The following TENT5C variants were observed in gnomAD, a reference collection of about 807,000 sequenced individuals.
TENT5C encodes terminal nucleotidyltransferase 5C.
In TENT5C, 5 loss-of-function variants were observed where a neutral mutation model predicts 22.2. That is an observed-to-expected ratio of 0.22 (90% CI 0.12 to 0.47). The LOEUF is 0.47. Among genes scored for constraint, TENT5C ranks in the 20% least tolerant of loss-of-function variants. The probability of loss-of-function intolerance (pLI) is 0.99; values close to 1 mark genes in which losing one functional copy is unlikely to be tolerated. For missense variants in TENT5C, 364 were observed against 500.9 expected, an observed-to-expected ratio of 0.73 and a Z score of 2.61; for synonymous variants, 199 against 195.4, an observed-to-expected ratio of 1.02 and a Z score of -0.15.
chr1:117,622,072 A>G (rs1470277100), intron 1 of TENT5C, among the ~76,000 whole-genome samples: 3 of 152,188 alleles, frequency 2.0e-5, no homozygotes, highest in Non-Finnish European at 4.4e-5. Flanking sequence ...TGCTAGGAAG[A>G]GTGGTTCCAC....
chr1:117,623,001 G>A lies in TENT5C; in HGVS notation c.133G>A (p.Glu45Lys), dbSNP rs773602227. 1 of 1,614,192 alleles carries A rather than the reference G, an allele frequency of 6.2e-7. No homozygotes were observed. Among genetic ancestry groups the A allele is most frequent in the South Asian group, 1.1e-5 (1 of 91,074 alleles). The change falls in exon 2 of 2, where the codon GAG becomes AAG. Residue 45 changes from glutamate (E) to lysine (K), a missense_variant. Physicochemically the swap from Glu to Lys is moderately conservative, Grantham distance 56 (BLOSUM62 1). This residue lies in a region of TENT5C where 303 missense variants were observed against 394.5 expected (regional missense o/e 0.77). Transcript: ENST00000369448. The stretch of plus-strand genomic sequence containing the variant: ...CGGACGAGGCAACTTTCCAACCTTG[G>A]AGATAACTCTGAAGGACATCGTCCA... ...IHGRGNFPTL[E>K]ITLKDIVQTV... is the part of the protein sequence containing the mutation.
At position 117,626,614 on chromosome 1, in the gene TENT5C, C is replaced by G. The variant is rs1017885095; in HGVS notation, c.*2570C>G. On this transcript the variant is annotated 3_prime_UTR_variant, in exon 2 of 2. Transcript: ENST00000369448. ...CTTGAATTTCAGGGCCCTGGAAACT[C>G]TAGCTGAAACCTGCCTTTCCTAATG... 4.0e-6 allele frequency: 1 copy of G among 248,110 alleles called. No individual in the cohort carries two copies. Among genetic ancestry groups the G allele is most frequent in the Non-Finnish European group, 8.5e-6 (1 of 118,092 alleles). The allele number at this position is 248,110 out of a possible 1,614,324, so 15.4% of individuals were successfully genotyped here. A position where few individuals can be genotyped will look rare whatever the true frequency, so the allele number is the denominator to read the frequency against.
At position 117,623,037 on chromosome 1, in the gene TENT5C, A is replaced by T; in HGVS notation, c.169A>T (p.Ser57Cys). ...TLKDIVQTVR[S>C]RLEEAGIKVH... The stretch of plus-strand genomic sequence containing the variant: ...GAAGGACATCGTCCAGACCGTCCGC[A>T]GTCGGCTGGAGGAGGCAGGCATCAA... The change falls in exon 2 of 2, where the codon AGT (serine) becomes TGT (cysteine). Residue 57 changes from serine to cysteine, a missense_variant. Ser to Cys is a moderately radical substitution (Grantham distance 112). Around this residue, in one of 3 missense-constraint regions of TENT5C, gnomAD observed 303 missense variants for 394.5 expected, o/e 0.77. Coordinates refer to ENST00000369448, the MANE Select transcript of TENT5C (RefSeq NM_017709.4). 1 of 1,614,222 alleles carries T rather than the reference A, an allele frequency of 6.2e-7. No homozygotes were observed. Among genetic ancestry groups the T allele is most frequent in the Non-Finnish European group, 8.5e-7 (1 of 1,180,040 alleles).
At chr1:117,621,040 C>G (rs189409958) in intron 1 of TENT5C, among the ~76,000 whole-genome samples, 18 of 152,268 alleles carry the variant, frequency 1.2e-4, no homozygotes, top group Non-Finnish European at 1.6e-4. Flanking sequence ...GCCTTGAAAC[C>G]AAATGCCAGT....
At chr1:117,608,602 T>C (rs1653597846) in intron 1 of TENT5C, among the ~76,000 whole-genome samples, 1 of 152,228 alleles carries the variant, frequency 6.6e-6, no homozygotes, top group South Asian at 2.1e-4. Context: ...ACACATTTGA[T>C]AGAAAATTTA....
rs193094433 is a variant in TENT5C, at chr1:117,628,233, G to A, written c.*4189G>A. The A allele has an allele frequency of 2.1e-4, 52 of 247,454 alleles. No individual in the cohort carries two copies. The highest frequency in any genetic ancestry group is 9.9e-4 in the African/African-American group (45 of 45,416). The allele number at this position is 247,454 out of a possible 1,614,324, so 15.3% of individuals were successfully genotyped here. The stretch of plus-strand genomic sequence containing the variant: ...CCTTTGAAATATTTCTTAGTGCCTA[G>A]GAGGTCTGGGGATTCCTCTTTCGTG... On this transcript the variant is annotated 3_prime_UTR_variant, in exon 2 of 2. Coordinates refer to ENST00000369448, the MANE Select transcript of TENT5C (RefSeq NM_017709.4).
intron 1 of TENT5C, among the ~76,000 whole-genome samples, chr1:117,613,330 C>A (rs1258820919): frequency 6.6e-6 from 1 of 152,194 alleles, no homozygotes; most frequent in African/African-American, 2.4e-5. Flanking sequence ...TCAGAGTATA[C>A]CTTTCAACAC....
Position 117,622,896 on chromosome 1 carries a change from G to C in TENT5C, c.28G>C (p.Asp10His). The C allele has an allele frequency of 1.9e-6, 3 of 1,613,134 alleles. No individual in the cohort carries two copies. Among genetic ancestry groups the C allele is most frequent in the Non-Finnish European group, 2.5e-6 (3 of 1,179,148 alleles). MAEESSCTR[D>H]CMSFSVLNWD... ...GGCAGAGGAGAGCAGCTGTACCAGG[G>C]ATTGCATGTCCTTCAGCGTGCTCAA... is the stretch of plus-strand genomic sequence containing the variant. The change falls in exon 2 of 2, where the codon GAT becomes CAT. Residue 10 changes from aspartate to histidine, a missense_variant. This residue lies in a region of TENT5C where 303 missense variants were observed against 394.5 expected (regional missense o/e 0.77). Transcript: ENST00000369448.
At position 117,624,854 on chromosome 1, in the gene TENT5C, T is replaced by C. The variant is rs1264957291; in HGVS notation, c.*810T>C. The C allele has an allele frequency of 4.0e-6, 1 of 247,594 alleles. No homozygotes were observed. The highest frequency in any genetic ancestry group is 8.5e-6 in the Non-Finnish European group (1 of 118,034). 15.3% of individuals were successfully genotyped at this position (247,594 alleles called of 1,614,324 possible). On this transcript the variant is annotated 3_prime_UTR_variant, in exon 2 of 2. Coordinates refer to ENST00000369448, the MANE Select transcript of TENT5C (RefSeq NM_017709.4). ...TGTAAATAGGAAACATGAATGTTCA[T>C]TTTTTTCTTTAAAGAATTCTTATTA...
intron 1 of TENT5C, among the ~76,000 whole-genome samples, chr1:117,617,802 T>C (rs980641753): frequency 2.6e-5 from 4 of 152,244 alleles, no homozygotes; most frequent in East Asian, 1.9e-4. Flanking sequence ...GACTAAGCAC[T>C]GATGTGTTAC....
At chr1:117,609,325 A>AT (rs1653614051) in intron 1 of TENT5C, among the ~76,000 whole-genome samples, 1 of 152,194 alleles carries the variant, frequency 6.6e-6, no homozygotes, top group Non-Finnish European at 1.5e-5. Flanking sequence ...GAATTAATAG[A>AT]TTTTGTACAG....
Position 117,626,073 on chromosome 1 carries a change from G to A in TENT5C, c.*2029G>A, listed in dbSNP as rs1324675529. 2.4e-5 allele frequency: 6 copies of A among 247,814 alleles called. No homozygotes were observed. In the East Asian group the frequency reaches 3.0e-4, roughly 12 times the overall value. The allele number at this position is 247,814 out of a possible 1,614,324, so 15.4% of individuals were successfully genotyped here. Reference sequence around the variant, plus strand: ...CATGACCTTAAAAAGCTGCCATGGTGGTCAAATGGCATGTGTTTGCACAAA... The same window carrying A: ...CATGACCTTAAAAAGCTGCCATGGTAGTCAAATGGCATGTGTTTGCACAAA... On this transcript the variant is annotated 3_prime_UTR_variant, in exon 2 of 2. Coordinates refer to ENST00000369448, the MANE Select transcript of TENT5C (RefSeq NM_017709.4).
intron 1 of TENT5C, among the ~76,000 whole-genome samples, chr1:117,620,849 TC>T (rs1204061385): frequency 6.6e-6 from 1 of 152,146 alleles, no homozygotes; most frequent in Non-Finnish European, 1.5e-5. Context: ...ATTCCCCTCT[TC>T]CAGGTCCATG....
intron 1 of TENT5C, among the ~76,000 whole-genome samples, chr1:117,615,499 T>C (rs55838034): frequency 0.016 from 2,508 of 152,348 alleles, 74 homozygotes; most frequent in African/African-American, 0.058. Flanking sequence ...AAGCACTGTT[T>C]TACTGCCTAT....
rs1239689309 is a variant in TENT5C at position 117,614,881 on chromosome 1, T to G, written c.-27-7961T>G. ...TTGGGTTCTCTCTCTCTTCTGGACTTGGTTTCTCTAAAATCACCACTGTTC... is the reference window on the plus strand; with the variant it reads ...TTGGGTTCTCTCTCTCTTCTGGACTGGGTTTCTCTAAAATCACCACTGTTC... On this transcript the variant is annotated intron_variant, in intron 1 of 1. Transcript: ENST00000369448. Among the ~76,000 whole-genome samples, 10 of 152,358 alleles carry G rather than the reference T, an allele frequency of 6.6e-5. No homozygotes were observed. In the Middle Eastern group the frequency reaches 0.014, roughly 207 times the overall value.
rs1028371359 is a variant in TENT5C at position 117,628,262 on chromosome 1, G to A, written c.*4218G>A. ...GTCTGGGGATTCCTCTTTCGTGGTG[G>A]TCACTAACCTTACTTGATGCAGATA... On this transcript the variant is annotated 3_prime_UTR_variant, in exon 2 of 2. Coordinates refer to ENST00000369448, the MANE Select transcript of TENT5C (RefSeq NM_017709.4). 5 of 247,274 alleles carry A rather than the reference G, an allele frequency of 2.0e-5. No homozygotes were observed. The highest frequency in any genetic ancestry group is 1.8e-4 in the South Asian group (1 of 5,514). The allele number at this position is 247,274 out of a possible 1,614,324, so 15.3% of individuals were successfully genotyped here.
intron 1 of TENT5C, among the ~76,000 whole-genome samples, chr1:117,611,695 A>C (rs775290733): frequency 2.6e-5 from 4 of 152,058 alleles, no homozygotes; most frequent in Non-Finnish European, 5.9e-5. Flanking sequence ...ATTTTTTAAA[A>C]AATTAGCTGG....
chr1:117,608,120 TA>T (rs1407225580), intron 1 of TENT5C, among the ~76,000 whole-genome samples: 7 of 151,960 alleles, frequency 4.6e-5, no homozygotes, highest in African/African-American at 1.4e-4. Flanking sequence ...TCTAAATTGT[TA>T]CCAAAACAAA....
intron 1 of TENT5C, among the ~76,000 whole-genome samples, chr1:117,616,061 C>A (rs1653775310): frequency 6.6e-6 from 1 of 152,230 alleles, no homozygotes; most frequent in Admixed American, 6.5e-5. Context: ...CACCTCCCAT[C>A]CACCATGGCA....
Sources: gnomAD v4.1 joint callset for allele counts (sites outside exome capture counted in the v4.1 genomes callset) on GRCh38, gnomAD v4.1.1 for gene constraint, gnomAD v4.1.1 regional missense constraint, MANE v1.5 for transcripts, NCBI Gene and HGNC (gene_info 2026-07-23, HGNC 2026-07-21) for gene names.